The following FAM83B variants were observed in gnomAD, a reference collection of about 807,000 sequenced individuals.
The protein encoded by FAM83B is scaffolding CK1 anchoring protein B.
FAM83B carries 26 observed loss-of-function variants against 38.8 expected under a neutral mutation model. The ratio of observed to expected loss-of-function variants is 0.67; its 90% confidence interval spans 0.49 to 0.93. The LOEUF is 0.93. FAM83B is among the 40% of genes least tolerant of loss of function. FAM83B has a pLI of 0.00. For missense variants in FAM83B, 1,237 were observed against 1,197.3 expected, an observed-to-expected ratio of 1.03 and a Z score of -0.49; for synonymous variants, 419 against 423.1, an observed-to-expected ratio of 0.99 and a Z score of 0.12.
chr6:54,896,242 A>G (rs906865920), intron 2 of FAM83B, among the ~76,000 whole-genome samples: 3 of 152,212 alleles, frequency 2.0e-5, no homozygotes, highest in Non-Finnish European at 4.4e-5. Context: ...CATTGATAAA[A>G]TATCTCATCA....
At chr6:54,897,557 G>A (rs1035605485) in intron 2 of FAM83B, among the ~76,000 whole-genome samples, 4 of 151,976 alleles carry the variant, frequency 2.6e-5, no homozygotes, top group South Asian at 2.1e-4. Context: ...GCAAAACAAC[G>A]TAGAAACCTG....
At position 54,939,990 on chromosome 6, in the gene FAM83B, G is replaced by A. The variant is rs749653745; in HGVS notation, c.1019G>A (p.Arg340Lys). ...CTAGATTCCAGTTACTTCAAAAACA[G>A]AGGGATATATACTTTAAATGAACAT... ...HKLDSSYFKNRGIYTLNEHDK... is the reference protein window; with the variant it reads ...HKLDSSYFKNKGIYTLNEHDK... Residue 340 changes from arginine to lysine, a missense_variant, in exon 5 of 5, where the codon AGA becomes AAA. Arg to Lys is a conservative substitution (Grantham distance 26). Coordinates refer to ENST00000306858, the MANE Select transcript of FAM83B (RefSeq NM_001010872.3). 3.1e-6 allele frequency: 5 copies of A among 1,613,936 alleles called. No homozygotes were observed. The African/African-American group carries it at 6.7e-5, about 22-fold the overall frequency.
In FAM83B at chr6:54,943,545, T is replaced by G. The variant is rs1174064142; in HGVS notation, c.*1538T>G. On this transcript the variant is annotated 3_prime_UTR_variant, in exon 5 of 5. Coordinates refer to ENST00000306858, the MANE Select transcript of FAM83B (RefSeq NM_001010872.3). ...AAGATTCAGACAAATTTTAATATTGTCTCATTAAAATAATTTAAATAATGG... is the reference window on the plus strand; with the variant it reads ...AAGATTCAGACAAATTTTAATATTGGCTCATTAAAATAATTTAAATAATGG... 1 of 152,140 alleles carries G rather than the reference T, an allele frequency of 6.6e-6. No individual in the cohort carries two copies. The highest frequency in any genetic ancestry group is 1.5e-5 in the Non-Finnish European group (1 of 68,020). 9.4% of individuals were successfully genotyped at this position (152,140 alleles called of 1,614,324 possible).
chr6:54,896,631 A>G (rs531336676), intron 2 of FAM83B, among the ~76,000 whole-genome samples: 1 of 152,360 alleles, frequency 6.6e-6, no homozygotes, highest in East Asian at 1.9e-4. Context: ...ACAGCAGCAT[A>G]AAGCAAAAGA....
At chr6:54,874,728 C>G (rs1022735641) in intron 2 of FAM83B, among the ~76,000 whole-genome samples, 8 of 152,026 alleles carry the variant, frequency 5.3e-5, no homozygotes, top group African/African-American at 1.4e-4. Context: ...TTTCCTAATT[C>G]TAGGCTAGCT....
At chr6:54,861,910 G>A (rs904240704) in intron 1 of FAM83B, among the ~76,000 whole-genome samples, 1 of 152,158 alleles carries the variant, frequency 6.6e-6, no homozygotes, top group African/African-American at 2.4e-5. Flanking sequence ...GCACCTACAA[G>A]CCGGAGTGTT....
At chr6:54,848,600 C>T (rs144873357) in intron 1 of FAM83B, among the ~76,000 whole-genome samples, 173 of 152,334 alleles carry the variant, frequency 1.1e-3, no homozygotes, top group African/African-American at 4.0e-3. Context: ...TTTATTTCCT[C>T]TACCGTCCAC....
intron 1 of FAM83B, among the ~76,000 whole-genome samples, chr6:54,851,649 T>A (rs1482468955): frequency 5.9e-5 from 8 of 135,776 alleles, no homozygotes; most frequent in African/African-American, 1.9e-4. Context: ...ATTTTTGTGT[T>A]TTTTTTTTTT....
At chr6:54,853,777 A>G (rs192327818) in intron 1 of FAM83B, among the ~76,000 whole-genome samples, 1 of 152,206 alleles carries the variant, frequency 6.6e-6, no homozygotes, top group African/African-American at 2.4e-5. Flanking sequence ...TCAAGAAGTG[A>G]CTTTGACTTT....
At chr6:54,915,121 A>C (rs1271402812) in intron 2 of FAM83B, among the ~76,000 whole-genome samples, 1 of 148,392 alleles carries the variant, frequency 6.7e-6, no homozygotes, top group Admixed American at 6.7e-5. Flanking sequence ...TCTATAGTTA[A>C]AAAAAAAAAG....
intron 2 of FAM83B, among the ~76,000 whole-genome samples, chr6:54,925,965 C>T (rs915472850): frequency 2.0e-5 from 3 of 152,210 alleles, no homozygotes; most frequent in Non-Finnish European, 2.9e-5. Context: ...TTCCCCAAGA[C>T]TTTTATTCTT....
chr6:54,849,844 T>C (rs766779742), intron 1 of FAM83B, among the ~76,000 whole-genome samples: 2 of 152,028 alleles, frequency 1.3e-5, no homozygotes, highest in Non-Finnish European at 2.9e-5. Flanking sequence ...AAATTAGTCA[T>C]GGTCAGCCTC....
chr6:54,886,576 A>G (rs1321459639), intron 2 of FAM83B, among the ~76,000 whole-genome samples: 1 of 151,978 alleles, frequency 6.6e-6, no homozygotes, highest in Non-Finnish European at 1.5e-5. Context: ...AAAATTGTTT[A>G]TAATATCTCC....
intron 1 of FAM83B, among the ~76,000 whole-genome samples, chr6:54,865,967 CATAATA>C (rs3064911): frequency 0.75 from 111,191 of 147,892 alleles, 43,597 homozygotes; most frequent in East Asian, 0.94. Flanking sequence ...GTAAAATAGT[CATAATA>C]ATAATAATAA....
chr6:54,922,471 G>A (rs1194224361), intron 2 of FAM83B, among the ~76,000 whole-genome samples: 2 of 151,114 alleles, frequency 1.3e-5, no homozygotes, highest in Admixed American at 1.3e-4. Context: ...CATAGCTAAT[G>A]CATTAAATTA....
intron 2 of FAM83B, among the ~76,000 whole-genome samples, chr6:54,910,807 A>G (rs1772890197): frequency 6.6e-6 from 1 of 152,192 alleles, no homozygotes. Flanking sequence ...TCGTTTCTGG[A>G]CTTCTGCAGC....
intron 2 of FAM83B, among the ~76,000 whole-genome samples, chr6:54,910,276 A>T (rs1313308169): frequency 6.6e-6 from 1 of 152,174 alleles, no homozygotes; most frequent in Non-Finnish European, 1.5e-5. Context: ...AGAAACCTGG[A>T]AATACATTCT....
intron 1 of FAM83B, among the ~76,000 whole-genome samples, chr6:54,867,069 A>G (rs1461412429): frequency 6.6e-6 from 1 of 150,574 alleles, no homozygotes; most frequent in East Asian, 1.9e-4. Context: ...CTCAGCTTAC[A>G]TGGCATAGTG....
chr6:54,849,333 C>T (rs562662377), intron 1 of FAM83B, among the ~76,000 whole-genome samples: 4 of 152,238 alleles, frequency 2.6e-5, no homozygotes, highest in South Asian at 2.1e-4. Flanking sequence ...AAGGGTAGAG[C>T]AGGCTTCCCA....
Sources: allele counts gnomAD v4.1 joint callset (sites outside exome capture counted in the v4.1 genomes callset), GRCh38; gene constraint gnomAD v4.1.1; transcripts MANE v1.5; gene names NCBI Gene and HGNC (gene_info 2026-07-23, HGNC 2026-07-21).